Variants in TBXAS1 observed in about 807,000 individuals in gnomAD.
TBXAS1 encodes the protein thromboxane A synthase 1.
Under a neutral mutation model 60.7 loss-of-function variants are expected in TBXAS1, and 48 were observed. The observed-to-expected ratio is 0.79, with a 90% CI of 0.63 to 1.01. The LOEUF is 1.01. Ranked by LOEUF, TBXAS1 falls within the 50% of genes least tolerant of loss-of-function variation. TBXAS1 has a pLI of 0.00. For missense variants in TBXAS1, 685 were observed against 686.3 expected, an observed-to-expected ratio of 1.00 and a Z score of 0.02; for synonymous variants, 287 against 269.7, an observed-to-expected ratio of 1.06 and a Z score of -0.63.
intron 3 of TBXAS1, among the ~76,000 whole-genome samples, chr7:139,888,818 G>A (rs1363750674): frequency 1.3e-5 from 2 of 152,110 alleles, no homozygotes; most frequent in Admixed American, 6.5e-5. Context: ...GGACAACCTT[G>A]GCAGTGGCAG....
At chr7:139,934,779 G>A (rs1023778211) in intron 4 of TBXAS1, among the ~76,000 whole-genome samples, 1 of 152,096 alleles carries the variant, frequency 6.6e-6, no homozygotes, top group Admixed American at 6.6e-5. Flanking sequence ...CAGTCATGTT[G>A]GATTAGGGCC....
At chr7:139,839,984 C>CAAAAAAA (rs563726492) in intron 1 of TBXAS1, among the ~76,000 whole-genome samples, 1 of 109,318 alleles carries the variant, frequency 9.1e-6, no homozygotes, top group Admixed American at 9.7e-5. Flanking sequence ...AACTCTGTCT[C>CAAAAAAA]AAAAAAAAAA....
intron 9 of TBXAS1, among the ~76,000 whole-genome samples, chr7:139,987,255 G>A (rs1312273220): frequency 4.6e-5 from 7 of 152,106 alleles, no homozygotes; most frequent in African/African-American, 1.7e-4. Context: ...GAGAACCATT[G>A]GGAATAGAAA....
At chr7:139,880,165 G>C (rs1005877488) in intron 3 of TBXAS1, among the ~76,000 whole-genome samples, 1 of 152,210 alleles carries the variant, frequency 6.6e-6, no homozygotes, top group Non-Finnish European at 1.5e-5. Flanking sequence ...TTACAGGCGT[G>C]AGTCACCATA....
intron 4 of TBXAS1, among the ~76,000 whole-genome samples, chr7:139,922,322 G>T (rs1369786757): frequency 6.6e-6 from 1 of 151,792 alleles, no homozygotes; most frequent in Non-Finnish European, 1.5e-5. Flanking sequence ...GGTTGGTCTC[G>T]AATTCCTGAC....
intron 1 of TBXAS1, among the ~76,000 whole-genome samples, chr7:139,847,322 G>A (rs1193351089): frequency 1.3e-5 from 2 of 152,116 alleles, no homozygotes; most frequent in Admixed American, 1.3e-4. Flanking sequence ...AGAACTTGAA[G>A]TATCAATGAG....
At chr7:139,864,966 G>A (rs1488563098) in intron 1 of TBXAS1, among the ~76,000 whole-genome samples, 2 of 152,108 alleles carry the variant, frequency 1.3e-5, no homozygotes, top group Non-Finnish European at 2.9e-5. Context: ...GGAGATGTCC[G>A]ATTCTTATTG....
chr7:139,928,781 G>C (rs572238130), intron 4 of TBXAS1, among the ~76,000 whole-genome samples: 2 of 152,300 alleles, frequency 1.3e-5, no homozygotes, highest in Non-Finnish European at 1.5e-5. Flanking sequence ...CTATGTGGGG[G>C]AAAGAAAAGA....
rs1043778267 is a variant in TBXAS1 at position 139,869,193 on chromosome 7, C to A, written c.90-3042C>A. On this transcript the variant is annotated intron_variant, in intron 1 of 12. Transcript: ENST00000448866. Reference sequence around the variant, plus strand: ...CCCTATGAAATCTGTAGGGGAGAATCCTTCCTTGCCTCTTCCTAGCTTCTA... The same window carrying A: ...CCCTATGAAATCTGTAGGGGAGAATACTTCCTTGCCTCTTCCTAGCTTCTA... 4.8e-4 allele frequency among the ~76,000 whole-genome samples: 73 copies of A among 152,124 alleles called. 5 individuals carry two copies.
intron 5 of TBXAS1, among the ~76,000 whole-genome samples, chr7:139,947,225 T>C (rs1423976223): frequency 1.3e-5 from 2 of 152,138 alleles, no homozygotes; most frequent in Non-Finnish European, 2.9e-5. Flanking sequence ...CATGGAATAC[T>C]ATGCAGCCAT....
intron 5 of TBXAS1, among the ~76,000 whole-genome samples, chr7:139,941,460 C>A (rs1292110913): frequency 6.6e-6 from 1 of 150,818 alleles, no homozygotes; most frequent in Non-Finnish European, 1.5e-5. Flanking sequence ...TATGTCATAC[C>A]AGGGATAATA....
intron 1 of TBXAS1, among the ~76,000 whole-genome samples, chr7:139,840,906 T>C (rs1317010236): frequency 6.6e-6 from 1 of 152,202 alleles, no homozygotes; most frequent in Non-Finnish European, 1.5e-5. Flanking sequence ...CTGCCAGGCA[T>C]GAGCAGCTGG....
chr7:139,957,100 G>A (rs1044424928), intron 7 of TBXAS1, among the ~76,000 whole-genome samples: 5 of 152,208 alleles, frequency 3.3e-5, no homozygotes, highest in African/African-American at 4.8e-5. Context: ...CCCAGGGGCC[G>A]GCAAGGGAGG....
chr7:140,017,671 G>A lies in TBXAS1; in HGVS notation c.1365G>A (p.Arg455=), dbSNP rs773931087. 14 of 1,612,744 alleles carry A rather than the reference G, an allele frequency of 8.7e-6. No individual in the cohort carries two copies. The highest frequency in any genetic ancestry group is 1.0e-5 in the Non-Finnish European group (12 of 1,179,734). The stretch of plus-strand genomic sequence containing the variant: ...CAGCCCTGACCACACGGACCTGCAG[G>A]TTCACGGCTGAGGCCCGGCAGCAGC... ...WPSPETFNPE[R]FTAEARQQHR... Residue 455 remains arginine, a splice_region_variant and synonymous_variant, in exon 12 of 13, where the codon AGG becomes AGA. Coordinates refer to ENST00000448866, the MANE Select transcript of TBXAS1 (RefSeq NM_001061.7).
At chr7:139,953,581 C>T (rs931102321) in intron 6 of TBXAS1, 125 bp downstream of exon 6, 2 of 868,856 alleles carry the variant, frequency 2.3e-6, no homozygotes, top group African/African-American at 3.3e-5. Context: ...CTCATAAAAG[C>T]ATGGATGGAC....
Position 139,801,967 on chromosome 7 carries a change from T to C in TBXAS1, c.-80+14541T>C, listed in dbSNP as rs1797734784. Among the ~76,000 whole-genome samples the C allele has an allele frequency of 2.0e-5, 3 of 152,212 alleles. No individual in the cohort carries two copies. The South Asian group carries it at 6.2e-4, about 32-fold the overall frequency. ...TTAGTAGAGATGGGGTTTTACCACATTGGCCAGGTTGGTCTCAAACTCCTG... is the reference window on the plus strand; with the variant it reads ...TTAGTAGAGATGGGGTTTTACCACACTGGCCAGGTTGGTCTCAAACTCCTG... On this transcript the variant is annotated intron_variant, in intron 4 of 16. Coordinates refer to the TBXAS1 transcript ENST00000336425.
At chr7:139,809,618 C>T (rs1170720437) in intron 4 of TBXAS1, among the ~76,000 whole-genome samples, 1 of 152,178 alleles carries the variant, frequency 6.6e-6, no homozygotes, top group Non-Finnish European at 1.5e-5. Context: ...CAGTCCGAGG[C>T]TGAAGGCTTG....
At chr7:139,900,144 G>A (rs975136789) in intron 3 of TBXAS1, among the ~76,000 whole-genome samples, 1 of 152,170 alleles carries the variant, frequency 6.6e-6, no homozygotes, top group Non-Finnish European at 1.5e-5. Flanking sequence ...TATTTCACTA[G>A]TATGAGAAGT....
intron 1 of TBXAS1, among the ~76,000 whole-genome samples, chr7:139,862,398 A>G (rs1179608764): frequency 6.6e-6 from 1 of 152,202 alleles, no homozygotes; most frequent in Non-Finnish European, 1.5e-5. Flanking sequence ...AGGATCAGTA[A>G]AGAAATAATG....
Sources: allele counts gnomAD v4.1 joint callset (sites outside exome capture counted in the v4.1 genomes callset), GRCh38; gene constraint gnomAD v4.1.1; transcripts MANE v1.5; gene names NCBI Gene and HGNC (gene_info 2026-07-23, HGNC 2026-07-21).